Variants in HTR2C observed in about 807,000 individuals in gnomAD.
The protein encoded by HTR2C is 5-hydroxytryptamine receptor 2C.
HTR2C carries 5 observed loss-of-function variants against 21.0 expected under a neutral mutation model. The observed-to-expected ratio is 0.24, with a 90% confidence interval of 0.12 to 0.50. The LOEUF (loss-of-function observed/expected upper bound fraction) is 0.50. Ranked by LOEUF, HTR2C falls within the 20% of genes least tolerant of loss-of-function variation. HTR2C has a pLI of 0.98. For missense variants in HTR2C, 271 were observed against 371.2 expected, an observed-to-expected ratio of 0.73 and a Z score of 2.22; for synonymous variants, 150 against 145.3, an observed-to-expected ratio of 1.03 and a Z score of -0.23.
chrX:114,802,730 C>CTTTA lies in HTR2C; in HGVS notation c.350-45270_350-45269insATTT, dbSNP rs1489707692. The stretch of plus-strand genomic sequence containing the variant: ...TCTTTCTTTCTTTCTTTCTTTCTTT[C>CTTTA]TTTCTTTCTTATTATTATACTTTAA... On this transcript the variant is annotated intron_variant, in intron 4 of 5. Transcript: ENST00000276198. 6.1e-5 allele frequency among the ~76,000 whole-genome samples: 6 copies of CTTTA among 98,554 alleles called. 1 individual carries two copies. Among genetic ancestry groups the CTTTA allele is most frequent in the Admixed American group, 2.3e-4 (2 of 8,680 alleles). 85.6% of individuals were successfully genotyped at this position (98,554 alleles called of 115,157 possible).
chrX:114,792,063 A>G (rs1478112095), intron 4 of HTR2C, among the ~76,000 whole-genome samples: 1 of 111,955 alleles, frequency 8.9e-6, no homozygotes, highest in Non-Finnish European at 1.9e-5. Flanking sequence ...AGGTCTATCC[A>G]TTATTGTCCA....
At position 114,842,216 on chromosome X, in the gene HTR2C, C is replaced by T. The variant is rs782197483; in HGVS notation, c.350-5787C>T. Reference sequence around the variant, plus strand: ...CCATATCCCATTTCCAGATATGCAGCTAATTTGAGGATGAAAGCCTGCACT... The same window carrying T: ...CCATATCCCATTTCCAGATATGCAGTTAATTTGAGGATGAAAGCCTGCACT... On this transcript the variant is annotated intron_variant, in intron 4 of 5. Coordinates refer to ENST00000276198, the MANE Select transcript of HTR2C (RefSeq NM_000868.4). 2.7e-5 allele frequency among the ~76,000 whole-genome samples: 3 copies of T among 112,515 alleles called. No homozygotes were observed. The East Asian group carries it at 8.4e-4, about 32-fold the overall frequency.
In HTR2C at chrX:114,776,176, C is replaced by G. The variant is rs147144204; in HGVS notation, c.349+44569C>G. ...TTGACACATCAAAAGTGCCACCTCTCAGGTCAAAGATAAACACATTTCTTT... is the reference window on the plus strand; with the variant it reads ...TTGACACATCAAAAGTGCCACCTCTGAGGTCAAAGATAAACACATTTCTTT... On this transcript the variant is annotated intron_variant, in intron 4 of 5. Transcript: ENST00000276198. The G allele has an allele frequency of 2.4e-3, 1,321 of 546,981 alleles. 3 individuals are homozygous for G. Among genetic ancestry groups the G allele is most frequent in the Middle Eastern group, 0.011 (22 of 1,948 alleles). The allele number at this position is 546,981 out of a possible 1,213,427, so 45.1% of individuals were successfully genotyped here. A position where few individuals can be genotyped will look rare whatever the true frequency, so the allele number is the denominator to read the frequency against.
chrX:114,887,501 G>T (rs1369295702), intron 5 of HTR2C, among the ~76,000 whole-genome samples: 1 of 110,850 alleles, frequency 9.0e-6, no homozygotes, highest in African/African-American at 3.3e-5. Context: ...TTTTATATTG[G>T]TATTATTGCC....
chrX:114,744,188 A>T, intron 4 of HTR2C, among the ~76,000 whole-genome samples: 1 of 110,468 alleles, frequency 9.1e-6, no homozygotes, highest in Non-Finnish European at 1.9e-5. Flanking sequence ...ATGTTTGTCA[A>T]TTGTATCCAG....
At chrX:114,779,901 A>ATG (rs113113599) in intron 4 of HTR2C, among the ~76,000 whole-genome samples, 387 of 106,113 alleles carry the variant, frequency 3.6e-3, no homozygotes, top group African/African-American at 9.8e-3. Context: ...GTATATGTAT[A>ATG]TGTGTGTGTG....
At chrX:114,603,650 G>T (rs1928248570) in intron 1 of HTR2C, among the ~76,000 whole-genome samples, 1 of 57,968 alleles carries the variant, frequency 1.7e-5, no homozygotes, top group African/African-American at 7.0e-5. Flanking sequence ...GAAGTAATGG[G>T]GGCTGTCTGT....
intron 4 of HTR2C, among the ~76,000 whole-genome samples, chrX:114,840,151 A>AAC (rs1163424207): frequency 3.6e-5 from 4 of 110,495 alleles, no homozygotes; most frequent in South Asian, 3.8e-4. Context: ...CACACACACT[A>AAC]ACACACACAC....
At chrX:114,802,068 C>T (rs956881208) in intron 4 of HTR2C, among the ~76,000 whole-genome samples, 7 of 110,733 alleles carry the variant, frequency 6.3e-5, no homozygotes, top group African/African-American at 2.3e-4. Context: ...GAATTCTCCC[C>T]CACTTCAAAA....
chrX:114,584,866 G>A (rs1556389094), intron 1 of HTR2C, among the ~76,000 whole-genome samples: 1 of 108,835 alleles, frequency 9.2e-6, no homozygotes, highest in African/African-American at 3.4e-5. Context: ...TTCCACGGAA[G>A]GAGCATAGAA....
chrX:114,798,035 G>A (rs2070310886), intron 4 of HTR2C, among the ~76,000 whole-genome samples: 1 of 97,886 alleles, frequency 1.0e-5, no homozygotes, highest in South Asian at 5.5e-4. Context: ...AAATCTTGCT[G>A]TAGATTAGTA....
intron 2 of HTR2C, among the ~76,000 whole-genome samples, chrX:114,669,255 AC>A (rs1931282914): frequency 8.9e-6 from 1 of 111,830 alleles, no homozygotes; most frequent in African/African-American, 3.2e-5. Flanking sequence ...TAATCTAAGA[AC>A]CATATACACA....
At chrX:114,672,350 C>G (rs12861270) in intron 2 of HTR2C, among the ~76,000 whole-genome samples, 16,672 of 109,947 alleles carry the variant, frequency 0.15, 919 homozygotes, top group South Asian at 0.32. Context: ...TATGATCGCA[C>G]CCCTGCACTC....
intron 4 of HTR2C, among the ~76,000 whole-genome samples, chrX:114,814,810 CATATAGTAT>C (rs2070566907): frequency 1.0e-5 from 1 of 98,681 alleles, no homozygotes. Context: ...TAGTATATAT[CATATAGTAT>C]ATATCATATA....
chrX:114,709,327 A>C (rs1377092213), intron 2 of HTR2C, among the ~76,000 whole-genome samples: 1 of 112,117 alleles, frequency 8.9e-6, no homozygotes, highest in African/African-American at 3.2e-5. Flanking sequence ...AATTATGTGA[A>C]ATTCACAAAC....
chrX:114,610,927 C>G (rs969042958), intron 1 of HTR2C, among the ~76,000 whole-genome samples: 5 of 111,602 alleles, frequency 4.5e-5, no homozygotes, highest in Non-Finnish European at 7.5e-5. Flanking sequence ...TTTGACTTCA[C>G]TCAAAGTACT....
intron 4 of HTR2C, among the ~76,000 whole-genome samples, chrX:114,837,698 C>CAA (rs11339786): frequency 2.9e-5 from 3 of 102,793 alleles, no homozygotes; most frequent in African/African-American, 1.1e-4. Context: ...GTCCTACAGT[C>CAA]AAAAAAAAAA....
chrX:114,787,741 A>T (rs782173258), intron 4 of HTR2C, among the ~76,000 whole-genome samples: 2 of 110,748 alleles, frequency 1.8e-5, no homozygotes, highest in Non-Finnish European at 3.8e-5. Flanking sequence ...AGGTCAGGAG[A>T]TCGAGACCAT....
chrX:114,706,547 C>G (rs1161397673), intron 2 of HTR2C, among the ~76,000 whole-genome samples: 18 of 75,330 alleles, frequency 2.4e-4, no homozygotes, highest in Non-Finnish European at 4.0e-4. Flanking sequence ...ACATCACACT[C>G]TGGGGACTGT....
Sources: gnomAD v4.1 joint callset for allele counts (sites outside exome capture counted in the v4.1 genomes callset) on GRCh38, gnomAD v4.1.1 for gene constraint, MANE v1.5 for transcripts, NCBI Gene and HGNC (gene_info 2026-07-23, HGNC 2026-07-21) for gene names.